UBALD1: variants seen among roughly 807,000 people sequenced by gnomAD.
The protein encoded by UBALD1 is UBA-like domain-containing protein 1.
UBALD1 carries 5 observed loss-of-function variants against 16.1 expected under a neutral mutation model. The observed-to-expected ratio is 0.31, with a 90% confidence interval of 0.16 to 0.66. The LOEUF (loss-of-function observed/expected upper bound fraction) is 0.66, where lower values mean the gene tolerates loss of function less well. Ranked by LOEUF, UBALD1 falls within the 30% of genes least tolerant of loss-of-function variation. The probability of loss-of-function intolerance (pLI) is 0.77; values close to 1 mark genes in which losing one functional copy is unlikely to be tolerated. For synonymous variants in UBALD1, 146 were observed against 105.3 expected (o/e 1.39, Z -2.37); for missense variants, 220 against 252.8 (o/e 0.87, Z 0.88).
chr16:4,610,329 G>A, intron 2 of UBALD1, 164 bp downstream of exon 2: 2 of 760,958 alleles, frequency 2.6e-6, no homozygotes, highest in African/African-American at 3.5e-5. Flanking sequence ...GCAAGATTAA[G>A]TGCAGGACCC....
In UBALD1 at chr16:4,609,140, C is replaced by G. The variant is rs1897324750; in HGVS notation, c.*493G>C. ...GGGGGCTCACACTAACATGCAAAGT[C>G]CAGCTGCCCCAGGAACTAGGTTGCT... is the stretch of plus-strand genomic sequence containing the variant. On this transcript the variant is annotated 3_prime_UTR_variant, in exon 3 of 3. Transcript: ENST00000283474. 1 of 153,330 alleles carries G rather than the reference C, an allele frequency of 6.5e-6. No individual in the cohort carries two copies. The highest frequency in any genetic ancestry group is 6.5e-5 in the Admixed American group (1 of 15,306). The allele number at this position is 153,330 out of a possible 1,614,324, so 9.5% of individuals were successfully genotyped here. A position where few individuals can be genotyped will look rare whatever the true frequency, so the allele number is the denominator to read the frequency against.
rs1410638197 is a variant in UBALD1 at position 4,609,689 on chromosome 16, G to A, written c.478C>T (p.Pro160Ser). The change falls in exon 3 of 3, where the codon CCC becomes TCC. Residue 160 changes from proline (P) to serine (S), a missense_variant. This residue lies in a region of UBALD1 where 151 missense variants were observed against 132.6 expected (regional missense o/e 1.14). Coordinates refer to ENST00000283474, the MANE Select transcript of UBALD1 (RefSeq NM_145253.3). Reference sequence around the variant, plus strand: ...CTGGGTTCTGAGGTGGCCTGTTGGGGGGCCAGGGGTGGCCAGTCTGAAGCC... The same window carrying A: ...CTGGGTTCTGAGGTGGCCTGTTGGGAGGCCAGGGGTGGCCAGTCTGAAGCC... ...SPASDWPPLA[P>S]QQATSEPRAH... The A allele has an allele frequency of 7.5e-6, 11 of 1,472,658 alleles. No individual in the cohort carries two copies. Among genetic ancestry groups the A allele is most frequent in the African/African-American group, 1.5e-5 (1 of 68,916 alleles). The allele number at this position is 1,472,658 out of a possible 1,614,324, so 91.2% of individuals were successfully genotyped here.
chr16:4,610,159 C>T (rs573597003), intron 2 of UBALD1, 176 bp from the exon 3 acceptor site: 8 of 729,926 alleles, frequency 1.1e-5, no homozygotes, highest in South Asian at 2.9e-5. Context: ...TGAGATGAAC[C>T]GACCCAGCCT....
rs544107379 is a variant in UBALD1 at position 4,612,495 on chromosome 16, C to T, written c.121-1940G>A. Among the ~76,000 whole-genome samples the T allele has an allele frequency of 4.6e-5, 7 of 152,212 alleles. No homozygotes were observed. In the South Asian group the frequency reaches 1.2e-3, roughly 27 times the overall value. ...TTAAGCACCTTCCCAGACCCCAAGA[C>T]CCTCTGTCAGCAGCAGCTGTGCCCC... On this transcript the variant is annotated intron_variant, in intron 1 of 2. Coordinates refer to ENST00000283474, the MANE Select transcript of UBALD1 (RefSeq NM_145253.3).
At chr16:4,610,831 T>G in intron 1 of UBALD1, 1 of 452,854 alleles carries the variant, frequency 2.2e-6, no homozygotes, top group Non-Finnish European at 3.9e-6. Context: ...TGCAGAGCCC[T>G]CCCCCTGCAC....
chr16:4,613,896 G>A (rs1897388394), intron 1 of UBALD1: 1 of 152,384 alleles, frequency 6.6e-6, no homozygotes, highest in Admixed American at 6.5e-5. Flanking sequence ...ACCGGTAAAG[G>A]GACAGATGCC....
rs778472996 is a variant in UBALD1 at position 4,609,843 on chromosome 16, C to T, written c.324G>A (p.Pro108=). Residue 108 remains proline (P), a synonymous_variant, in exon 3 of 3, where the codon CCG becomes CCA. Coordinates refer to ENST00000283474, the MANE Select transcript of UBALD1 (RefSeq NM_145253.3). ...TGGTGGCGGCATGGGGGAAGTGTGG[C>T]GGGGGTGACGTGGCTGTCGCGGCCA... ...SPMAATATSP[P]PHFPHAATSS... The T allele has an allele frequency of 2.0e-6, 3 of 1,506,976 alleles. No individual in the cohort carries two copies. The highest frequency in any genetic ancestry group is 2.7e-6 in the Non-Finnish European group (3 of 1,128,462). The allele number at this position is 1,506,976 out of a possible 1,614,324, so 93.4% of individuals were successfully genotyped here. A position where few individuals can be genotyped will look rare whatever the true frequency, so the allele number is the denominator to read the frequency against.
chr16:4,609,455 TG>T lies in UBALD1; in HGVS notation c.*177del, dbSNP rs1396836912. 2 of 404,310 alleles carry T rather than the reference TG, an allele frequency of 4.9e-6. No individual in the cohort carries two copies. The highest frequency in any genetic ancestry group is 4.3e-6 in the Non-Finnish European group (1 of 230,856). The allele number at this position is 404,310 out of a possible 1,614,324, so 25.0% of individuals were successfully genotyped here. ...GCCGCTGGGGCCATGACCTTGCGTG[TG>T]GGCAGCTGCGTGTTCTGGCACCAGA... is the stretch of plus-strand genomic sequence containing the variant. On this transcript the variant is annotated 3_prime_UTR_variant, in exon 3 of 3. Transcript: ENST00000283474.
rs1307037371 is a variant in UBALD1, at chr16:4,609,435, T to G, written c.*198A>C. 7.5e-6 allele frequency: 3 copies of G among 400,054 alleles called. No individual in the cohort carries two copies. The highest frequency in any genetic ancestry group is 1.3e-5 in the Non-Finnish European group (3 of 228,002). The allele number at this position is 400,054 out of a possible 1,614,324, so 24.8% of individuals were successfully genotyped here. A position where few individuals can be genotyped will look rare whatever the true frequency, so the allele number is the denominator to read the frequency against. The stretch of plus-strand genomic sequence containing the variant: ...GAACCACTCCATGTGCCGGGGCCGC[T>G]GGGGCCATGACCTTGCGTGTGGGCA... On this transcript the variant is annotated 3_prime_UTR_variant, in exon 3 of 3. Transcript: ENST00000283474.
Position 4,609,866 on chromosome 16 carries a change from C to A in UBALD1, c.301G>T (p.Ala101Ser). The change falls in exon 3 of 3, where the codon GCC becomes TCC. Residue 101 changes from alanine (A) to serine (S), a missense_variant. Ala to Ser is a moderately conservative substitution (Grantham distance 99). Coordinates refer to ENST00000283474, the MANE Select transcript of UBALD1 (RefSeq NM_145253.3). ...FHSGGSGSPM[A>S]ATATSPPPHF... Reference sequence around the variant, plus strand: ...GGCGGGGGTGACGTGGCTGTCGCGGCCATCGGGCTGCCGCTGCCACCGCTG... The same window carrying A: ...GGCGGGGGTGACGTGGCTGTCGCGGACATCGGGCTGCCGCTGCCACCGCTG... 2 of 1,528,700 alleles carry A rather than the reference C, an allele frequency of 1.3e-6. No homozygotes were observed. Among genetic ancestry groups the A allele is most frequent in the Non-Finnish European group, 1.8e-6 (2 of 1,137,206 alleles). 94.7% of individuals were successfully genotyped at this position (1,528,700 alleles called of 1,614,324 possible).
At chr16:4,613,930 T>C (rs1222714250) in intron 1 of UBALD1, 2 of 152,444 alleles carry the variant, frequency 1.3e-5, no homozygotes, top group African/African-American at 4.8e-5. Context: ...GGAGAGCACC[T>C]AGTCGCGCAC....
intron 2 of UBALD1, 187 bp from the exon 3 acceptor site, chr16:4,610,170 C>T (rs1300778272): frequency 2.8e-6 from 2 of 722,030 alleles, no homozygotes; most frequent in Admixed American, 2.0e-5. Flanking sequence ...GACCCAGCCT[C>T]ACTCTCAGGA....
chr16:4,610,622 A>G, intron 1 of UBALD1, 67 bp from the exon 2 acceptor site: 1 of 1,549,144 alleles, frequency 6.5e-7, no homozygotes, highest in Non-Finnish European at 8.8e-7. Context: ...CCTTGTTCCC[A>G]GGCTCCTCTG....
Position 4,609,593 on chromosome 16 carries a change from C to G in UBALD1, c.*40G>C, listed in dbSNP as rs1431763669. The G allele has an allele frequency of 1.1e-6, 1 of 947,796 alleles. No homozygotes were observed. Among genetic ancestry groups the G allele is most frequent in the Non-Finnish European group, 1.5e-6 (1 of 686,228 alleles). 58.7% of individuals were successfully genotyped at this position (947,796 alleles called of 1,614,324 possible). On this transcript the variant is annotated 3_prime_UTR_variant, in exon 3 of 3. Coordinates refer to ENST00000283474, the MANE Select transcript of UBALD1 (RefSeq NM_145253.3). Reference sequence around the variant, plus strand: ...CCGCAGAGACGTCCTCTCCCCCGCCCCACGGGGTCCTGGCCTCCGGGAGGG... The same window carrying G: ...CCGCAGAGACGTCCTCTCCCCCGCCGCACGGGGTCCTGGCCTCCGGGAGGG...
intron 1 of UBALD1, 124 bp from the exon 2 acceptor site, chr16:4,610,679 C>T (rs749846352): frequency 2.3e-5 from 25 of 1,105,810 alleles, no homozygotes; most frequent in South Asian, 7.5e-5. Flanking sequence ...AGGGGTGAGT[C>T]GCGGTGCTGA....
chr16:4,610,112 C>G, intron 2 of UBALD1, 129 bp from the exon 3 acceptor site: 1 of 820,132 alleles, frequency 1.2e-6, no homozygotes, highest in South Asian at 1.4e-5. Context: ...GATCCCCAAG[C>G]CTGTCCGCCG....
chr16:4,614,462 G>A, intron 1 of UBALD1: 1 of 663,504 alleles, frequency 1.5e-6, no homozygotes, highest in Non-Finnish European at 2.2e-6. Context: ...CGCGGGGGCG[G>A]CGTATCCCCG....
chr16:4,614,505 C>T (rs1332050187), intron 1 of UBALD1, 173 bp downstream of exon 1: 11 of 1,152,922 alleles, frequency 9.5e-6, no homozygotes, highest in Non-Finnish European at 1.2e-5. Flanking sequence ...CCGCCCGCCG[C>T]GAGCCCTTGG....
chr16:4,612,836 C>T lies in UBALD1; in HGVS notation c.120+1842G>A, dbSNP rs188551125. ...AGCCTCCCTGGCGGCCCCCACTTTA[C>T]AGATGGCACAACTGAGACTTGGGAG... On this transcript the variant is annotated intron_variant, in intron 1 of 2. Transcript: ENST00000283474. 1.3e-3 allele frequency among the ~76,000 whole-genome samples: 197 copies of T among 152,284 alleles called. 1 individual carries two copies. Among genetic ancestry groups the T allele is most frequent in the Admixed American group, 2.9e-3 (44 of 15,300 alleles).
Sources: allele counts gnomAD v4.1 joint callset (sites outside exome capture counted in the v4.1 genomes callset), GRCh38; gene constraint gnomAD v4.1.1; regional missense constraint gnomAD v4.1.1; transcripts MANE v1.5; gene names NCBI Gene and HGNC (gene_info 2026-07-23, HGNC 2026-07-21).